Variants in ANKRD36C observed in about 807,000 individuals in gnomAD.
The protein encoded by ANKRD36C is ankyrin repeat domain 36C.
ANKRD36C carries 61 observed loss-of-function variants against 276.4 expected under a neutral mutation model. The ratio of observed to expected loss-of-function variants is 0.22; its 90% CI spans 0.18 to 0.27. The LOEUF (loss-of-function observed/expected upper bound fraction) is 0.27, where lower values mean the gene tolerates loss of function less well. ANKRD36C is among the 10% of genes least tolerant of loss of function. The pLI, the probability that ANKRD36C is intolerant of heterozygous loss-of-function variation, is 1.00. For synonymous variants in ANKRD36C, 483 were observed against 680.1 expected (o/e 0.71, Z 4.51); for missense variants, 1,447 against 2,032.3 (o/e 0.71, Z 5.54).
chr2:95,964,587 C>A (rs1292193767), intron 6 of ANKRD36C, among the ~76,000 whole-genome samples: 1 of 151,978 alleles, frequency 6.6e-6, no homozygotes, highest in Non-Finnish European at 1.5e-5. Context: ...GTATCAGACA[C>A]TTGACTAACG....
chr2:95,964,467 G>T (rs1025257261), intron 6 of ANKRD36C, among the ~76,000 whole-genome samples: 3 of 151,902 alleles, frequency 2.0e-5, no homozygotes, highest in African/African-American at 7.3e-5. Flanking sequence ...TTCATTCTTT[G>T]CCCTCCACAT....
chr2:95,892,209 G>T (rs191406789), intron 44 of ANKRD36C, among the ~76,000 whole-genome samples: 3 of 151,468 alleles, frequency 2.0e-5, no homozygotes, highest in African/African-American at 7.3e-5. Context: ...GTCAAAGCAG[G>T]TGCTACATGA....
chr2:95,952,035 G>C (rs1203024671), intron 14 of ANKRD36C, among the ~76,000 whole-genome samples: 3 of 151,700 alleles, frequency 2.0e-5, no homozygotes, highest in African/African-American at 7.3e-5. Context: ...CTACTAAATA[G>C]AAAGCTGTAA....
intron 6 of ANKRD36C, among the ~76,000 whole-genome samples, chr2:95,972,504 T>TG (rs1268778704): frequency 6.6e-6 from 1 of 152,364 alleles, no homozygotes. Context: ...CCCTTTGCCC[T>TG]GAGCCAATTT....
chr2:95,855,977 C>T (rs556337988), exon 63 of ANKRD36C: 130 of 1,612,738 alleles, frequency 8.1e-5, no homozygotes, highest in Admixed American at 1.2e-4. Context: ...AACAGGCTAT[C>T]GTTTCTGCTA....
chr2:95,850,718 A>G (rs1370428286), downstream of ANKRD36C, among the ~76,000 whole-genome samples: 1 of 152,262 alleles, frequency 6.6e-6, no homozygotes, highest in Non-Finnish European at 1.5e-5. Context: ...GTCAATGACT[A>G]GAGATTTAAA....
At chr2:95,913,230 G>A (rs1219722836) in intron 40 of ANKRD36C, among the ~76,000 whole-genome samples, 2 of 149,326 alleles carry the variant, frequency 1.3e-5, no homozygotes, top group Non-Finnish European at 3.0e-5. Flanking sequence ...AATATTCATT[G>A]AAAATGACCA....
At chr2:95,859,048 T>G (rs889003911) in intron 61 of ANKRD36C, among the ~76,000 whole-genome samples, 2 of 152,124 alleles carry the variant, frequency 1.3e-5, no homozygotes, top group African/African-American at 4.8e-5. Context: ...ACTTTTTTTT[T>G]TTTTGAGAGG....
At position 95,927,246 on chromosome 2, in the gene ANKRD36C, G is replaced by A. The variant is rs200311285; in HGVS notation, c.1907C>T (p.Thr636Ile). 1,197 of 1,610,036 alleles carry A rather than the reference G, an allele frequency of 7.4e-4. 1 individual carries two copies. Among genetic ancestry groups the A allele is most frequent in the Non-Finnish European group, 9.4e-4 (1,108 of 1,177,932 alleles). ...AGATTGTTGTCCCTCCTTTATTTCTGTGGCTATATTTGAAACAGAATCTTT... is the reference window on the plus strand; with the variant it reads ...AGATTGTTGTCCCTCCTTTATTTCTATGGCTATATTTGAAACAGAATCTTT... The change falls in exon 28 of 67, where the codon ACA (threonine) becomes ATA (isoleucine). Residue 636 changes from threonine to isoleucine, a missense_variant. Transcript: ENST00000456556.
chr2:95,964,223 A>G (rs2104511279), intron 6 of ANKRD36C, among the ~76,000 whole-genome samples: 1 of 151,102 alleles, frequency 6.6e-6, no homozygotes, highest in African/African-American at 2.4e-5. Context: ...CTGCAACCCA[A>G]TATGCTAACT....
At chr2:95,956,918 A>T in intron 12 of ANKRD36C, 102 bp from the exon 13 acceptor site, 1 of 1,161,424 alleles carries the variant, frequency 8.6e-7, no homozygotes, top group South Asian at 1.5e-5. Context: ...AATCTCAGCT[A>T]CTCAAAAGGC....
At chr2:95,964,009 ATATATGTG>A (rs1184288245) in intron 6 of ANKRD36C, among the ~76,000 whole-genome samples, 124 of 20,258 alleles carry the variant, frequency 6.1e-3, no homozygotes, top group African/African-American at 9.0e-3. Flanking sequence ...ATATATATAT[ATATATGTG>A]TGTGTGTGTC....
intron 34 of ANKRD36C, 150 bp from the exon 37 acceptor site, chr2:95,918,192 T>C (rs1017492414): frequency 1.0e-5 from 14 of 1,338,272 alleles, no homozygotes; most frequent in African/African-American, 1.5e-5. Flanking sequence ...GACTGGAACA[T>C]GACAGAAGTA....
rs751849685 is a variant in ANKRD36C at position 95,897,360 on chromosome 2, T to C, written c.2755+1785A>G. 6.4e-7 allele frequency: 1 copy of C among 1,558,038 alleles called. No homozygotes were observed. The highest frequency in any genetic ancestry group is 1.2e-5 in the South Asian group (1 of 85,898). Reference sequence around the variant, plus strand: ...CTTGTAGCCTGAATGGAATTTGAAATGAAATAATAAATTAATAAAGTATGT... The same window carrying C: ...CTTGTAGCCTGAATGGAATTTGAAACGAAATAATAAATTAATAAAGTATGT... On this transcript the variant is annotated intron_variant, in intron 44 of 66. Transcript: ENST00000456556.
intron 38 of ANKRD36C, 122 bp downstream of exon 40, chr2:95,915,858 G>T: frequency 7.5e-7 from 1 of 1,338,302 alleles, no homozygotes; most frequent in Admixed American, 2.1e-5. Flanking sequence ...TATTAGAAAT[G>T]AAGAATCTCA....
intron 6 of ANKRD36C, among the ~76,000 whole-genome samples, chr2:95,966,708 A>G (rs1573809857): frequency 2.0e-5 from 3 of 152,078 alleles, no homozygotes; most frequent in South Asian, 4.1e-4. Context: ...AAGAAAGTCA[A>G]TGGTAGCTTG....
intron 57 of ANKRD36C, 28 bp from the exon 78 acceptor site, chr2:95,880,527 A>C: frequency 6.5e-7 from 1 of 1,540,192 alleles, no homozygotes; most frequent in Non-Finnish European, 8.8e-7. Flanking sequence ...CAAAGTGATT[A>C]GCACATGATG....
Position 95,903,043 on chromosome 2 carries a change from G to T in ANKRD36C, c.2654-3707C>A. 6.4e-7 allele frequency: 1 copy of T among 1,570,732 alleles called. No homozygotes were observed. Among genetic ancestry groups the T allele is most frequent in the Non-Finnish European group, 8.6e-7 (1 of 1,156,896 alleles). ...TTACTAGTTCACAATATAAATGACA[G>T]TTTCATTACCTTCAAGCCTGGTGGT... On this transcript the variant is annotated intron_variant, in intron 42 of 66. Transcript: ENST00000456556.
At chr2:95,931,449 G>A (rs962329292) in intron 24 of ANKRD36C, among the ~76,000 whole-genome samples, 2 of 149,724 alleles carry the variant, frequency 1.3e-5, no homozygotes, top group African/African-American at 2.5e-5. Context: ...AATTTTCCAG[G>A]ATATGAACAC....
Sources: gnomAD v4.1 joint callset for allele counts (sites outside exome capture counted in the v4.1 genomes callset) on GRCh38, gnomAD v4.1.1 for gene constraint, MANE v1.5 for transcripts, NCBI Gene and HGNC (gene_info 2026-07-23, HGNC 2026-07-21) for gene names.